PRR16: variants seen among roughly 807,000 people sequenced by gnomAD.
PRR16 encodes protein Largen.
In PRR16, 6 loss-of-function variants were observed where a neutral mutation model predicts 18.2. The ratio of observed to expected loss-of-function variants is 0.33; its 90% confidence interval spans 0.18 to 0.65. The LOEUF (loss-of-function observed/expected upper bound fraction) is 0.65. PRR16 is among the 30% of genes least tolerant of loss of function. The probability of loss-of-function intolerance (pLI) is 0.74; values close to 1 mark genes in which losing one functional copy is unlikely to be tolerated. For missense variants in PRR16, 412 were observed against 376.6 expected, an observed-to-expected ratio of 1.09 and a Z score of -0.78; for synonymous variants, 151 against 147.8, an observed-to-expected ratio of 1.02 and a Z score of -0.16.
intron 1 of PRR16, among the ~76,000 whole-genome samples, chr5:120,517,510 T>G (rs915233149): frequency 6.6e-6 from 1 of 152,202 alleles, no homozygotes; most frequent in Non-Finnish European, 1.5e-5. Context: ...TATAGTTTTC[T>G]ATTCTTCTTT....
chr5:120,553,902 G>A (rs1335570284), intron 1 of PRR16, among the ~76,000 whole-genome samples: 6 of 151,838 alleles, frequency 4.0e-5, no homozygotes, highest in Non-Finnish European at 8.8e-5. Flanking sequence ...TCATACAGTA[G>A]GAATTCAGTA....
chr5:120,752,088 T>C, the PRR16 span, among the ~76,000 whole-genome samples: 1 of 152,118 alleles, frequency 6.6e-6, no homozygotes, highest in African/African-American at 2.4e-5. Flanking sequence ...TACATTGTCC[T>C]GGTTATTACA....
intron 1 of PRR16, among the ~76,000 whole-genome samples, chr5:120,494,693 T>G (rs933216546): frequency 6.6e-6 from 1 of 152,136 alleles, no homozygotes; most frequent in Non-Finnish European, 1.5e-5. Flanking sequence ...CCCTAAATTC[T>G]GAAGGTCTTC....
the PRR16 span, among the ~76,000 whole-genome samples, chr5:120,704,061 A>T: frequency 6.6e-6 from 1 of 152,224 alleles, no homozygotes; most frequent in Admixed American, 6.5e-5. Flanking sequence ...TTCCATTGTC[A>T]AAATTCAAAC....
In PRR16 at chr5:120,493,930, C is replaced by G. The variant is rs902708210; in HGVS notation, c.159+29285C>G. Among the ~76,000 whole-genome samples, 4 of 152,054 alleles carry G rather than the reference C, an allele frequency of 2.6e-5. No homozygotes were observed. The East Asian group carries it at 7.7e-4, about 29-fold the overall frequency. ...ATGTACCATAGTTTGTTTAAACATT[C>G]ACCGGCTGAAGGACATTTGGGTTGT... is the stretch of plus-strand genomic sequence containing the variant. On this transcript the variant is annotated intron_variant, in intron 1 of 1. Transcript: ENST00000407149.
the PRR16 span, among the ~76,000 whole-genome samples, chr5:120,776,826 T>TA: frequency 0.27 from 41,135 of 151,910 alleles, 5,914 homozygotes; most frequent in Non-Finnish European, 0.32. Context: ...ATTAATGTTC[T>TA]AAAAGTATTG....
At chr5:120,716,668 A>C in the PRR16 span, among the ~76,000 whole-genome samples, 4 of 152,128 alleles carry the variant, frequency 2.6e-5, no homozygotes, top group African/African-American at 9.7e-5. Flanking sequence ...TGAGGTCAGG[A>C]GTTCGAGACC....
chr5:120,657,328 A>C (rs1756016215), intron 1 of PRR16, among the ~76,000 whole-genome samples: 1 of 151,948 alleles, frequency 6.6e-6, no homozygotes, highest in Non-Finnish European at 1.5e-5. Context: ...AGCTTGAAGA[A>C]TGACTCTTGT....
At chr5:120,467,552 A>C (rs1331186624) in intron 1 of PRR16, among the ~76,000 whole-genome samples, 4 of 152,124 alleles carry the variant, frequency 2.6e-5, no homozygotes, top group African/African-American at 9.7e-5. Flanking sequence ...TTCTGGGCTT[A>C]AGTCATCTGA....
At chr5:120,776,690 ATTGT>A in the PRR16 span, among the ~76,000 whole-genome samples, 1 of 152,122 alleles carries the variant, frequency 6.6e-6, no homozygotes, top group African/African-American at 2.4e-5. Flanking sequence ...GATAACAGAT[ATTGT>A]TTAAATTTCT....
chr5:120,764,160 A>G, the PRR16 span, among the ~76,000 whole-genome samples: 8 of 113,024 alleles, frequency 7.1e-5, no homozygotes, highest in African/African-American at 3.9e-4. Flanking sequence ...AAAAGCTTTC[A>G]GCTTTCCCTT....
rs1753154631 is a variant in PRR16, at chr5:120,578,466, C to T, written c.160-107488C>T. Among the ~76,000 whole-genome samples the T allele has an allele frequency of 2.0e-5, 3 of 152,100 alleles. No individual in the cohort carries two copies. In the South Asian group the frequency reaches 6.2e-4, roughly 32 times the overall value. On this transcript the variant is annotated intron_variant, in intron 1 of 1. Coordinates refer to ENST00000407149, the MANE Select transcript of PRR16 (RefSeq NM_001300783.2). ...TCTGTTTCCATGTGTTCTCAATGTT[C>T]AACTCCAACTTACAAGTGAGAATAT...
At chr5:120,581,646 A>G (rs1320985525) in intron 1 of PRR16, among the ~76,000 whole-genome samples, 1 of 152,034 alleles carries the variant, frequency 6.6e-6, no homozygotes, top group Non-Finnish European at 1.5e-5. Flanking sequence ...GCTGTTTGAT[A>G]TGGGCATTTA....
chr5:120,535,973 T>G (rs1413583731), intron 1 of PRR16, among the ~76,000 whole-genome samples: 1 of 152,164 alleles, frequency 6.6e-6, no homozygotes, highest in Non-Finnish European at 1.5e-5. Context: ...TAAAAAGAAA[T>G]GAACACTTAT....
At chr5:120,466,346 A>T (rs558641269) in intron 1 of PRR16, among the ~76,000 whole-genome samples, 2 of 152,320 alleles carry the variant, frequency 1.3e-5, no homozygotes, top group Middle Eastern at 3.4e-3. Flanking sequence ...TGTGCTTAAT[A>T]GTTGGTGAGG....
At chr5:120,621,302 C>T (rs771125937) in intron 1 of PRR16, among the ~76,000 whole-genome samples, 1 of 152,000 alleles carries the variant, frequency 6.6e-6, no homozygotes, top group Non-Finnish European at 1.5e-5. Context: ...TTGCCATTGC[C>T]ACCTGGGCTT....
chr5:120,667,433 GT>G (rs1202680668), intron 1 of PRR16, among the ~76,000 whole-genome samples: 3 of 151,930 alleles, frequency 2.0e-5, no homozygotes, highest in Admixed American at 1.3e-4. Flanking sequence ...TTTTTGAAGC[GT>G]TTTTTGTGTC....
intron 1 of PRR16, among the ~76,000 whole-genome samples, chr5:120,522,985 CTTA>C (rs1318349972): frequency 6.6e-6 from 1 of 152,096 alleles, no homozygotes; most frequent in Non-Finnish European, 1.5e-5. Flanking sequence ...TTGTATAGAA[CTTA>C]TTCATAGGAG....
chr5:120,786,355 T>TAA, the PRR16 span, among the ~76,000 whole-genome samples: 1 of 151,804 alleles, frequency 6.6e-6, no homozygotes, highest in Non-Finnish European at 1.5e-5. Context: ...ATAATAAGAA[T>TAA]AAAGCAGAAT....
Sources: gnomAD v4.1 joint callset for allele counts (sites outside exome capture counted in the v4.1 genomes callset) on GRCh38, gnomAD v4.1.1 for gene constraint, MANE v1.5 for transcripts, NCBI Gene and HGNC (gene_info 2026-07-23, HGNC 2026-07-21) for gene names.